Variants in NRG3 observed in about 807,000 individuals in gnomAD.
NRG3 encodes the protein neuregulin 3, also known as pro-neuregulin-3, membrane-bound isoform.
NRG3 carries 31 observed loss-of-function variants against 66.9 expected under a neutral mutation model. The observed-to-expected ratio is 0.46, with a 90% CI of 0.35 to 0.63. The LOEUF (loss-of-function observed/expected upper bound fraction) is 0.63. NRG3 is among the 20% of genes least tolerant of loss of function. The pLI is 0.00. For synonymous variants in NRG3, 393 were observed against 359.4 expected (o/e 1.09, Z -1.06); for missense variants, 910 against 878.9 (o/e 1.04, Z -0.45).
At chr10:82,348,434 T>G (rs1359908823) in intron 1 of NRG3, among the ~76,000 whole-genome samples, 2 of 149,516 alleles carry the variant, frequency 1.3e-5, no homozygotes, top group Non-Finnish European at 2.9e-5. Context: ...TGCTGAGAGA[T>G]CCGCTGTTAG....
At chr10:82,232,775 A>C in intron 1 of NRG3, 1 of 717,380 alleles carries the variant, frequency 1.4e-6, no homozygotes, top group Non-Finnish European at 2.6e-6. Flanking sequence ...ATACATGGCA[A>C]CATGGGGAAG....
chr10:82,348,429 A>C (rs2083182524), intron 1 of NRG3, among the ~76,000 whole-genome samples: 1 of 149,352 alleles, frequency 6.7e-6, no homozygotes, highest in South Asian at 2.1e-4. Flanking sequence ...GTTTCTGCTG[A>C]GAGATCCGCT....
intron 2 of NRG3, among the ~76,000 whole-genome samples, chr10:82,699,324 A>AGAAG (rs1367039855): frequency 4.0e-5 from 6 of 150,630 alleles, no homozygotes; most frequent in African/African-American, 7.3e-5. Context: ...AGGGAAGGAA[A>AGAAG]GAAGGAAGGA....
At chr10:82,158,835 C>T (rs1274284197) in intron 1 of NRG3, among the ~76,000 whole-genome samples, 1 of 151,674 alleles carries the variant, frequency 6.6e-6, no homozygotes, top group Non-Finnish European at 1.5e-5. Context: ...GCCTTTTTTC[C>T]TTCTTAAACC....
chr10:82,385,982 A>G (rs1021710774), intron 2 of NRG3, among the ~76,000 whole-genome samples: 1 of 152,170 alleles, frequency 6.6e-6, no homozygotes, highest in Non-Finnish European at 1.5e-5. Flanking sequence ...ACAGATAAAT[A>G]TAGAGTAATG....
chr10:82,097,418 A>C (rs1233393494), intron 1 of NRG3, among the ~76,000 whole-genome samples: 1 of 79,878 alleles, frequency 1.3e-5, no homozygotes, highest in Non-Finnish European at 2.4e-5. Context: ...ATATATATAT[A>C]TCTGTAATAT....
chr10:81,957,775 C>T (rs1296328314), intron 1 of NRG3, among the ~76,000 whole-genome samples: 1 of 152,180 alleles, frequency 6.6e-6, no homozygotes, highest in African/African-American at 2.4e-5. Flanking sequence ...CTTCTCAGTG[C>T]CTTCTCACAA....
chr10:82,355,313 G>C (rs181561592), intron 1 of NRG3, among the ~76,000 whole-genome samples: 84 of 152,248 alleles, frequency 5.5e-4, no homozygotes, highest in Non-Finnish European at 2.9e-5. Context: ...GGATACATTA[G>C]AGCACACTGT....
At chr10:82,167,399 A>G (rs2072167611) in intron 1 of NRG3, among the ~76,000 whole-genome samples, 1 of 152,118 alleles carries the variant, frequency 6.6e-6, no homozygotes, top group Non-Finnish European at 1.5e-5. Context: ...GACTCTCTCA[A>G]TAGTAAACAA....
At chr10:82,476,054 T>C (rs568832713) in intron 2 of NRG3, among the ~76,000 whole-genome samples, 1 of 151,820 alleles carries the variant, frequency 6.6e-6, no homozygotes, top group South Asian at 2.1e-4. Flanking sequence ...CCAAAGAAAA[T>C]ATCCAAATGG....
At chr10:82,337,272 T>G (rs1368875614) in intron 1 of NRG3, among the ~76,000 whole-genome samples, 1 of 152,226 alleles carries the variant, frequency 6.6e-6, no homozygotes, top group Non-Finnish European at 1.5e-5. Flanking sequence ...TGCAGACTTA[T>G]GCCTACTGTC....
intron 2 of NRG3, among the ~76,000 whole-genome samples, chr10:82,497,515 G>A (rs571945689): frequency 6.6e-6 from 1 of 152,004 alleles, no homozygotes; most frequent in Non-Finnish European, 1.5e-5. Flanking sequence ...TGTCCTCCAA[G>A]GTCATCCATA....
intron 2 of NRG3, among the ~76,000 whole-genome samples, chr10:82,502,022 A>ATTCC (rs1220118266): frequency 6.6e-6 from 1 of 152,178 alleles, no homozygotes. Context: ...GGGATGAATG[A>ATTCC]AATCCGAAGA....
intron 1 of NRG3, among the ~76,000 whole-genome samples, chr10:81,885,411 C>T (rs1842536381): frequency 6.6e-6 from 1 of 152,136 alleles, no homozygotes; most frequent in Admixed American, 6.6e-5. Flanking sequence ...ATCTGAATTC[C>T]ATCTTGGAGC....
intron 2 of NRG3, among the ~76,000 whole-genome samples, chr10:82,570,657 G>A (rs682284): frequency 0.079 from 11,925 of 151,550 alleles, 598 homozygotes; most frequent in East Asian, 0.15. Flanking sequence ...AAGATCTATT[G>A]GTAAATATGC....
chr10:82,147,221 G>A (rs2132717521), intron 1 of NRG3, among the ~76,000 whole-genome samples: 1 of 152,250 alleles, frequency 6.6e-6, no homozygotes. Context: ...ATGTGAGATA[G>A]GTATTATTAT....
intron 1 of NRG3, among the ~76,000 whole-genome samples, chr10:82,284,575 A>G (rs147883598): frequency 8.5e-5 from 13 of 152,332 alleles, no homozygotes; most frequent in Non-Finnish European, 1.8e-4. Flanking sequence ...CAACTTTTCC[A>G]CCAAAACAAT....
rs2080956934 is a variant in NRG3 at position 82,310,301 on chromosome 10, A to T, written c.824-48438A>T. 2.0e-5 allele frequency among the ~76,000 whole-genome samples: 3 copies of T among 152,180 alleles called. No individual in the cohort carries two copies. In the South Asian group the frequency reaches 6.2e-4, roughly 32 times the overall value. ...ATTTTCCGAGTAAGTCCAAGAGGTG[A>T]ATTATGGATTTTTCTACCAGGCTGA... On this transcript the variant is annotated intron_variant, in intron 1 of 8. Transcript: ENST00000372141.
At chr10:82,288,060 C>T (rs987923445) in intron 1 of NRG3, among the ~76,000 whole-genome samples, 2 of 152,150 alleles carry the variant, frequency 1.3e-5, no homozygotes, top group Non-Finnish European at 1.5e-5. Flanking sequence ...AGGGGAGCCC[C>T]GATGGGGTCC....
Sources: gnomAD v4.1 joint callset for allele counts (sites outside exome capture counted in the v4.1 genomes callset) on GRCh38, gnomAD v4.1.1 for gene constraint, MANE v1.5 for transcripts, NCBI Gene and HGNC (gene_info 2026-07-23, HGNC 2026-07-21) for gene names.